CHFR: variants seen among roughly 807,000 people sequenced by gnomAD.
CHFR encodes E3 ubiquitin-protein ligase CHFR.
CHFR carries 57 observed loss-of-function variants against 87.6 expected under a neutral mutation model. The ratio of observed to expected loss-of-function variants is 0.65; its 90% CI spans 0.53 to 0.81. The LOEUF (loss-of-function observed/expected upper bound fraction) is 0.81, where lower values mean the gene tolerates loss of function less well. Ranked by LOEUF, CHFR falls within the 30% of genes least tolerant of loss-of-function variation. CHFR has a pLI of 0.00. For synonymous variants in CHFR, 381 were observed against 359.2 expected (o/e 1.06, Z -0.69); for missense variants, 797 against 865.8 (o/e 0.92, Z 1.00).
chr12:132,845,469 T>TAA (rs1333950349), intron 15 of CHFR, among the ~76,000 whole-genome samples: 2 of 150,272 alleles, frequency 1.3e-5, no homozygotes, highest in South Asian at 4.2e-4. Flanking sequence ...AAAAAAAAAA[T>TAA]AAATAAATAA....
chr12:132,851,455 T>C (rs576197652), intron 12 of CHFR, among the ~76,000 whole-genome samples, 163 bp downstream of exon 12: 5 of 152,062 alleles, frequency 3.3e-5, no homozygotes, highest in Admixed American at 1.3e-4. Context: ...TGGGAAAAGA[T>C]AGATTATTCA....
chr12:132,867,829 G>GA (rs1160868804), intron 6 of CHFR: 1 of 151,932 alleles, frequency 6.6e-6, no homozygotes, highest in African/African-American at 2.4e-5. Context: ...CAAACAAGGA[G>GA]AAACACCATT....
chr12:132,885,057 C>A (rs1951855809), intron 2 of CHFR, among the ~76,000 whole-genome samples: 1 of 151,572 alleles, frequency 6.6e-6, no homozygotes, highest in Non-Finnish European at 1.5e-5. Flanking sequence ...CACTGCACTC[C>A]AGCCTGGGTG....
At chr12:132,850,942 T>C (rs1950926048) in intron 12 of CHFR, among the ~76,000 whole-genome samples, 1 of 148,564 alleles carries the variant, frequency 6.7e-6, no homozygotes, top group South Asian at 2.1e-4. Flanking sequence ...GCTCCATTTT[T>C]AATAATAACT....
At chr12:132,856,049 T>A (rs572278107) in intron 10 of CHFR, among the ~76,000 whole-genome samples, 3 of 152,190 alleles carry the variant, frequency 2.0e-5, no homozygotes, top group African/African-American at 7.2e-5. Context: ...ATTTATACTA[T>A]AGGACTTTAT....
chr12:132,870,832 T>C (rs755399278), intron 4 of CHFR, 49 bp from the exon 5 acceptor site: 1 of 1,194,628 alleles, frequency 8.4e-7, no homozygotes, highest in Non-Finnish European at 1.2e-6. Context: ...CTGTGCAAAC[T>C]GAGAACTCAT....
At chr12:132,883,416 A>C in intron 2 of CHFR, among the ~76,000 whole-genome samples, 1 of 130,526 alleles carries the variant, frequency 7.7e-6, no homozygotes, top group African/African-American at 2.8e-5. Flanking sequence ...ATAGGAGTGA[A>C]ACTCCGTCTC....
intron 15 of CHFR, 56 bp downstream of exon 15, chr12:132,846,987 G>A (rs1300225700): frequency 1.5e-6 from 2 of 1,299,472 alleles, no homozygotes; most frequent in Non-Finnish European, 2.2e-6. Context: ...AGACACGCAG[G>A]CACAGCCCTG....
In CHFR at chr12:132,836,843, T is replaced by C. The variant is rs1285558318; in HGVS notation, c.*4711A>G. ...CACCGTTCAGTAGCCAACTGGTCAGTGATCAGTAGATGCTGCCCTGGGGCC... is the reference window on the plus strand; with the variant it reads ...CACCGTTCAGTAGCCAACTGGTCAGCGATCAGTAGATGCTGCCCTGGGGCC... On this transcript the variant is annotated 3_prime_UTR_variant, in exon 18 of 18. Transcript: ENST00000450056. The C allele has an allele frequency of 1.8e-5, 8 of 447,364 alleles. No individual in the cohort carries two copies. Among genetic ancestry groups the C allele is most frequent in the Non-Finnish European group, 3.1e-5 (7 of 222,392 alleles). The allele number at this position is 447,364 out of a possible 1,614,324, so 27.7% of individuals were successfully genotyped here. A position where few individuals can be genotyped will look rare whatever the true frequency, so the allele number is the denominator to read the frequency against.
At chr12:132,861,115 C>T (rs1246151370) in intron 7 of CHFR, among the ~76,000 whole-genome samples, 1 of 152,080 alleles carries the variant, frequency 6.6e-6, no homozygotes. Flanking sequence ...AACGCCTGAC[C>T]TCAAGTGATT....
rs1413044699 is a variant in CHFR, at chr12:132,856,519, G to A, written c.1178C>T (p.Ser393Leu). The change falls in exon 10 of 18, where the codon TCA becomes TTA. Residue 393 changes from serine to leucine, a missense_variant. Coordinates refer to ENST00000450056, the MANE Select transcript of CHFR (RefSeq NM_001161346.2). ...RRSFSDEEGS[S>L]EDLLELSDVD... is the part of the protein sequence containing the mutation. ...GTCTGACAGCTCCAGCAGGTCCTCT[G>A]AACTCCCTTCTTCATCAGAAAAAGA... 6.2e-7 allele frequency: 1 copy of A among 1,614,216 alleles called. No individual in the cohort carries two copies. The highest frequency in any genetic ancestry group is 8.5e-7 in the Non-Finnish European group (1 of 1,180,036).
rs1025409954 is a variant in CHFR, at chr12:132,840,816, G to C, written c.*738C>G. 3 of 152,232 alleles carry C rather than the reference G, an allele frequency of 2.0e-5. No homozygotes were observed. The highest frequency in any genetic ancestry group is 2.9e-5 in the Non-Finnish European group (2 of 68,034). 9.4% of individuals were successfully genotyped at this position (152,232 alleles called of 1,614,324 possible). ...GGGAGCAGCATGTCCTGGGACCTGCGTCCAGCCCCAGGCTCGGGGCCGCGG... is the reference window on the plus strand; with the variant it reads ...GGGAGCAGCATGTCCTGGGACCTGCCTCCAGCCCCAGGCTCGGGGCCGCGG... On this transcript the variant is annotated 3_prime_UTR_variant, in exon 18 of 18. Coordinates refer to ENST00000450056, the MANE Select transcript of CHFR (RefSeq NM_001161346.2).
At chr12:132,881,793 G>A (rs928251367) in intron 2 of CHFR, among the ~76,000 whole-genome samples, 1 of 150,938 alleles carries the variant, frequency 6.6e-6, no homozygotes, top group Non-Finnish European at 1.5e-5. Context: ...GCTTGAACCC[G>A]GGAGGCGGAG....
intron 11 of CHFR, among the ~76,000 whole-genome samples, chr12:132,852,429 C>T (rs1362016673): frequency 2.8e-5 from 4 of 143,736 alleles, no homozygotes; most frequent in Admixed American, 7.3e-5. Context: ...AGGACAGCCA[C>T]GGTGCACAAG....
chr12:132,857,313 G>T (rs1951102581), intron 9 of CHFR, 92 bp downstream of exon 9: 3 of 1,383,888 alleles, frequency 2.2e-6, no homozygotes, highest in Non-Finnish European at 3.0e-6. Context: ...CACGTGCCCG[G>T]GTGCTGCTGG....
At position 132,839,914 on chromosome 12, in the gene CHFR, TGGGACC is replaced by T. The variant is rs1950680582; in HGVS notation, c.*1634_*1639del. The T allele has an allele frequency of 6.5e-5, 1 of 15,374 alleles. No individual in the cohort carries two copies. Among genetic ancestry groups the T allele is most frequent in the Non-Finnish European group, 1.4e-4 (1 of 7,284 alleles). 1.0% of individuals were successfully genotyped at this position (15,374 alleles called of 1,614,324 possible). A position where few individuals can be genotyped will look rare whatever the true frequency, so the allele number is the denominator to read the frequency against. On this transcript the variant is annotated 3_prime_UTR_variant, in exon 18 of 18. Transcript: ENST00000450056. ...GCTCAGCCTCACCCCTGCACAAACT[TGGGACC>T]TCCCCCTTAGCCTCGCCCCTGCACT...
At chr12:132,875,158 T>C (rs183840138) in intron 3 of CHFR, among the ~76,000 whole-genome samples, 1 of 152,362 alleles carries the variant, frequency 6.6e-6, no homozygotes, top group East Asian at 1.9e-4. Context: ...TGATATCTAT[T>C]AGACTAGGAA....
rs1228292710 is a variant in CHFR, at chr12:132,857,079, G to A, written c.1066+326C>T. Among the ~76,000 whole-genome samples the A allele has an allele frequency of 1.0e-4, 11 of 109,904 alleles. 1 individual carries two copies. The highest frequency in any genetic ancestry group is 1.6e-4 in the Non-Finnish European group (9 of 55,162). The allele number at this position is 109,904 out of a possible 152,430, so 72.1% of individuals were successfully genotyped here. A position where few individuals can be genotyped will look rare whatever the true frequency, so the allele number is the denominator to read the frequency against. On this transcript the variant is annotated intron_variant, in intron 9 of 17. Coordinates refer to ENST00000450056, the MANE Select transcript of CHFR (RefSeq NM_001161346.2). ...GTGCTGGTGGAGGGACCACCCTCACGTGCCCGGGTGCTGGTGGAGGGACAG... is the reference window on the plus strand; with the variant it reads ...GTGCTGGTGGAGGGACCACCCTCACATGCCCGGGTGCTGGTGGAGGGACAG...
chr12:132,842,955 G>C, intron 17 of CHFR, 56 bp downstream of exon 17: 1 of 1,413,092 alleles, frequency 7.1e-7, no homozygotes, highest in Non-Finnish European at 9.9e-7. Context: ...TTATAAGCAG[G>C]CAGTTAACTC....
Sources: allele counts gnomAD v4.1 joint callset (sites outside exome capture counted in the v4.1 genomes callset), GRCh38; gene constraint gnomAD v4.1.1; transcripts MANE v1.5; gene names NCBI Gene and HGNC (gene_info 2026-07-23, HGNC 2026-07-21).